CNOT10: variants seen among roughly 807,000 people sequenced by gnomAD.
The protein encoded by CNOT10 is CCR4-NOT transcription complex, subunit 10.
A neutral mutation model predicts 94.6 loss-of-function variants in CNOT10; 30 were observed. That is an observed-to-expected ratio of 0.32 (90% confidence interval 0.24 to 0.43). The LOEUF is 0.43. CNOT10 is among the 20% of genes least tolerant of loss of function. CNOT10 has a pLI of 1.00. For missense variants in CNOT10, 759 were observed against 877.2 expected (o/e 0.87, Z 1.70); for synonymous variants, 289 against 301.6 (o/e 0.96, Z 0.43).
At chr3:32,760,639 A>G (rs1700405592) in intron 14 of CNOT10, among the ~76,000 whole-genome samples, 2 of 152,140 alleles carry the variant, frequency 1.3e-5, no homozygotes, top group Non-Finnish European at 2.9e-5. Context: ...CTCAAAAAAT[A>G]AAAATAAAAT....
intron 4 of CNOT10, among the ~76,000 whole-genome samples, chr3:32,709,501 T>C (rs1697771507): frequency 6.6e-6 from 1 of 152,206 alleles, no homozygotes; most frequent in African/African-American, 2.4e-5. Context: ...TGATTGCTCA[T>C]GTGGTTACCA....
chr3:32,721,052 TTTCCTTTC>T (rs1698377659), intron 8 of CNOT10, among the ~76,000 whole-genome samples: 1 of 116,264 alleles, frequency 8.6e-6, no homozygotes. Context: ...CCTTCCTTTC[TTTCCTTTC>T]TTTTTTTTTT....
intron 8 of CNOT10, 118 bp downstream of exon 8, chr3:32,720,349 T>TAA (rs1397419723): frequency 2.1e-6 from 1 of 467,244 alleles, no homozygotes; most frequent in African/African-American, 1.9e-5. Context: ...TTAATGAAAA[T>TAA]GTTTTAATAT....
chr3:32,692,979 A>G (rs779088664), intron 1 of CNOT10, among the ~76,000 whole-genome samples: 24 of 152,276 alleles, frequency 1.6e-4, no homozygotes, highest in Non-Finnish European at 3.1e-4. Context: ...AGGAAGTCGA[A>G]GCTACAGTGA....
chr3:32,687,918 A>G (rs1015168933), intron 1 of CNOT10, among the ~76,000 whole-genome samples: 2 of 152,104 alleles, frequency 1.3e-5, no homozygotes, highest in African/African-American at 2.4e-5. Context: ...GGTGAACACT[A>G]TTCATTCAGT....
chr3:32,687,262 A>G (rs1696640183), intron 1 of CNOT10, among the ~76,000 whole-genome samples: 1 of 151,192 alleles, frequency 6.6e-6, no homozygotes, highest in African/African-American at 2.4e-5. Context: ...GTCTCTTCCT[A>G]TCCCATCCAT....
intron 14 of CNOT10, 30 bp downstream of exon 14, chr3:32,759,601 GTT>G (rs747174440): frequency 6.6e-7 from 1 of 1,503,944 alleles, no homozygotes; most frequent in East Asian, 2.3e-5. Context: ...TGTGTCCCTG[GTT>G]TCTTTAGTTT....
chr3:32,709,636 T>C (rs1299942724), intron 4 of CNOT10, among the ~76,000 whole-genome samples: 1 of 152,056 alleles, frequency 6.6e-6, no homozygotes, highest in Non-Finnish European at 1.5e-5. Context: ...CTGAGGTGCT[T>C]CTCTTCTTTC....
intron 1 of CNOT10, among the ~76,000 whole-genome samples, chr3:32,691,078 C>G (rs1159021103): frequency 6.7e-6 from 1 of 150,058 alleles, no homozygotes; most frequent in Non-Finnish European, 1.5e-5. Context: ...TCATTGCAAC[C>G]TCCATCTCCC....
chr3:32,760,029 A>C (rs1026466257), intron 14 of CNOT10, among the ~76,000 whole-genome samples: 1 of 152,040 alleles, frequency 6.6e-6, no homozygotes, highest in East Asian at 1.9e-4. Context: ...AAAAATACAA[A>C]AAATTAGCTG....
chr3:32,731,264 A>G (rs944512724), intron 10 of CNOT10, among the ~76,000 whole-genome samples: 1 of 152,214 alleles, frequency 6.6e-6, no homozygotes, highest in Admixed American at 6.6e-5. Context: ...TAAAAGTCAT[A>G]TATGGAAGTG....
rs547934214 is a variant in CNOT10 at position 32,752,035 on chromosome 3, T to C, written c.1596-7423T>C. Among the ~76,000 whole-genome samples the C allele has an allele frequency of 1.7e-3, 255 of 152,284 alleles. 1 individual carries two copies. Among genetic ancestry groups the C allele is most frequent in the African/African-American group, 5.8e-3 (243 of 41,562 alleles). ...GGCCAGGTGGAATGGCTCACTGTAA[T>C]CCCAGCACTTCGGAAGTTCGAGGCA... is the stretch of plus-strand genomic sequence containing the variant. On this transcript the variant is annotated intron_variant, in intron 13 of 18. Transcript: ENST00000328834.
intron 8 of CNOT10, among the ~76,000 whole-genome samples, chr3:32,722,296 G>A (rs186063560): frequency 6.6e-6 from 1 of 152,138 alleles, no homozygotes; most frequent in East Asian, 1.9e-4. Flanking sequence ...ATGGAGAAAG[G>A]CACTTTTTCC....
chr3:32,701,826 T>C (rs977253738), intron 1 of CNOT10, among the ~76,000 whole-genome samples: 2 of 152,198 alleles, frequency 1.3e-5, no homozygotes, highest in African/African-American at 4.8e-5. Flanking sequence ...AGAGTCTCAC[T>C]CTGTTGCTCA....
At chr3:32,695,963 A>AAG (rs753363810) in intron 1 of CNOT10, 49 of 594,102 alleles carry the variant, frequency 8.2e-5, no homozygotes, top group East Asian at 3.3e-4. Context: ...AATCCTGTTG[A>AAG]AGAGAGTGTG....
chr3:32,728,455 C>CA (rs1698784893), intron 10 of CNOT10, among the ~76,000 whole-genome samples: 1 of 151,476 alleles, frequency 6.6e-6, no homozygotes, highest in Non-Finnish European at 1.5e-5. Flanking sequence ...ACCTCCATCT[C>CA]TACAAAAAAT....
At chr3:32,723,546 T>C (rs183787749) in intron 8 of CNOT10, among the ~76,000 whole-genome samples, 1 of 152,282 alleles carries the variant, frequency 6.6e-6, no homozygotes, top group Non-Finnish European at 1.5e-5. Flanking sequence ...GGAGAAGGCT[T>C]GAGTAAACAT....
chr3:32,759,326 T>C (rs940702317), intron 13 of CNOT10, 132 bp from the exon 14 acceptor site: 1 of 645,482 alleles, frequency 1.5e-6, no homozygotes, highest in East Asian at 2.6e-5. Flanking sequence ...TTACCATTAG[T>C]ACCGTGGCTT....
chr3:32,689,881 G>A (rs956060558), intron 1 of CNOT10, among the ~76,000 whole-genome samples: 3 of 152,192 alleles, frequency 2.0e-5, no homozygotes, highest in African/African-American at 7.2e-5. Flanking sequence ...CTTGAGCCCA[G>A]GAGTTGAAGG....
Sources: gnomAD v4.1 joint callset for allele counts (sites outside exome capture counted in the v4.1 genomes callset) on GRCh38, gnomAD v4.1.1 for gene constraint, MANE v1.5 for transcripts, NCBI Gene and HGNC (gene_info 2026-07-23, HGNC 2026-07-21) for gene names.